Variants in ERCC6L2 observed in about 807,000 individuals in gnomAD.
ERCC6L2 encodes DNA excision repair protein ERCC-6-like 2.
A neutral mutation model predicts 132.0 loss-of-function variants in ERCC6L2; 77 were observed. That is an observed-to-expected ratio of 0.58 (90% CI 0.49 to 0.71). The LOEUF (loss-of-function observed/expected upper bound fraction) is 0.71, where lower values mean the gene tolerates loss of function less well. ERCC6L2 is among the 30% of genes least tolerant of loss of function. The probability of loss-of-function intolerance (pLI) is 0.00; values close to 1 mark genes in which losing one functional copy is unlikely to be tolerated. For synonymous variants in ERCC6L2, 583 were observed against 632.4 expected (o/e 0.92, Z 1.17); for missense variants, 1,542 against 1,837.6 (o/e 0.84, Z 2.94).
intron 19 of ERCC6L2, among the ~76,000 whole-genome samples, chr9:96,026,330 C>T (rs1165686926): frequency 6.6e-6 from 1 of 152,158 alleles, no homozygotes; most frequent in Non-Finnish European, 1.5e-5. Context: ...CAGAACCTGG[C>T]GGGAGCTCGC....
chr9:96,030,637 G>C (rs1834444868), intron 19 of ERCC6L2, among the ~76,000 whole-genome samples: 1 of 149,098 alleles, frequency 6.7e-6, no homozygotes, highest in Non-Finnish European at 1.5e-5. Flanking sequence ...GGGAGGCGGA[G>C]CTTGCAGTGA....
At chr9:96,032,604 G>T (rs1588069554) in intron 19 of ERCC6L2, among the ~76,000 whole-genome samples, 1 of 152,274 alleles carries the variant, frequency 6.6e-6, no homozygotes. Flanking sequence ...TCATCTATCA[G>T]GAATGTCACA....
At chr9:95,882,023 T>C (rs917996483) in intron 2 of ERCC6L2, among the ~76,000 whole-genome samples, 9 of 152,318 alleles carry the variant, frequency 5.9e-5, no homozygotes, top group African/African-American at 2.2e-4. Context: ...CTAGCCCACC[T>C]GTTTGTTGGC....
At chr9:95,948,901 G>A (rs1230714742) in intron 12 of ERCC6L2, among the ~76,000 whole-genome samples, 1 of 151,828 alleles carries the variant, frequency 6.6e-6, no homozygotes, top group East Asian at 1.9e-4. Flanking sequence ...AACAGGCATT[G>A]GAGCTACTAG....
Position 96,015,496 on chromosome 9 carries a change from C to A in ERCC6L2, c.*2293C>A, listed in dbSNP as rs887452131. On this transcript the variant is annotated 3_prime_UTR_variant, in exon 19 of 19. Transcript: ENST00000653738. Reference sequence around the variant, plus strand: ...AGCCACCATGCCCAGCCAATAAATGCTATTAAAGAAACTTTTAGGCCGGGC... The same window carrying A: ...AGCCACCATGCCCAGCCAATAAATGATATTAAAGAAACTTTTAGGCCGGGC... Among the ~76,000 whole-genome samples the A allele has an allele frequency of 1.3e-5, 2 of 150,272 alleles. No individual in the cohort carries two copies. The highest frequency in any genetic ancestry group is 4.1e-4 in the East Asian group (2 of 4,864).
rs1207073063 is a variant in ERCC6L2, at chr9:95,971,924, C to T, written c.2182-9C>T. 1 of 1,259,802 alleles carries T rather than the reference C, an allele frequency of 7.9e-7. No individual in the cohort carries two copies. Among genetic ancestry groups the T allele is most frequent in the East Asian group, 5.7e-5 (1 of 17,416 alleles). 78.0% of individuals were successfully genotyped at this position (1,259,802 alleles called of 1,614,324 possible). A position where few individuals can be genotyped will look rare whatever the true frequency, so the allele number is the denominator to read the frequency against. ...TTTTCTGATGTTTTTGTCATTGTTTCTCCTATAGCCTAGACAGCCTGACTG... is the reference window on the plus strand; with the variant it reads ...TTTTCTGATGTTTTTGTCATTGTTTTTCCTATAGCCTAGACAGCCTGACTG... On this transcript the variant is annotated splice_polypyrimidine_tract_variant and intron_variant, in intron 15 of 18. Transcript: ENST00000653738.
chr9:95,891,745 T>C (rs1467360073), intron 2 of ERCC6L2, among the ~76,000 whole-genome samples: 5 of 152,196 alleles, frequency 3.3e-5, no homozygotes, highest in Non-Finnish European at 5.9e-5. Context: ...CATCCTACTA[T>C]GTGTTAAGTG....
At chr9:95,951,943 G>A (rs1378197629) in intron 12 of ERCC6L2, among the ~76,000 whole-genome samples, 2 of 151,692 alleles carry the variant, frequency 1.3e-5, no homozygotes, top group African/African-American at 4.8e-5. Flanking sequence ...GTCAAGGCAG[G>A]CGGATCACGA....
At chr9:96,036,109 G>A (rs1834516226) in intron 19 of ERCC6L2, among the ~76,000 whole-genome samples, 1 of 152,140 alleles carries the variant, frequency 6.6e-6, no homozygotes, top group Non-Finnish European at 1.5e-5. Flanking sequence ...GCACATTCCA[G>A]TAATACCCAC....
At chr9:95,891,906 T>C (rs888502449) in intron 2 of ERCC6L2, among the ~76,000 whole-genome samples, 8 of 152,178 alleles carry the variant, frequency 5.3e-5, no homozygotes, top group Non-Finnish European at 1.2e-4. Context: ...GTCTTTATTG[T>C]TGAGTTGTAA....
chr9:95,931,456 T>C (rs1331389903), intron 11 of ERCC6L2, among the ~76,000 whole-genome samples: 1 of 152,218 alleles, frequency 6.6e-6, no homozygotes, highest in Non-Finnish European at 1.5e-5. Context: ...GTTTTTATTC[T>C]TGACTTGCCC....
chr9:95,956,152 A>T (rs1157985535), intron 13 of ERCC6L2, 139 bp downstream of exon 13: 2 of 467,080 alleles, frequency 4.3e-6, no homozygotes, highest in Non-Finnish European at 7.4e-6. Flanking sequence ...TTACCCTTGA[A>T]TACACTTTTA....
intron 13 of ERCC6L2, among the ~76,000 whole-genome samples, chr9:95,966,299 T>G (rs1832151570): frequency 6.6e-6 from 1 of 152,212 alleles, no homozygotes; most frequent in Admixed American, 6.6e-5. Flanking sequence ...CAGGTGGATA[T>G]TCTATAGAGA....
chr9:96,020,210 C>G (rs1193683552), downstream of ERCC6L2: 1 of 157,678 alleles, frequency 6.3e-6, no homozygotes, highest in Non-Finnish European at 1.4e-5. Flanking sequence ...CTCACTGTCA[C>G]GAGAGCAGCG....
chr9:95,905,341 G>T (rs962615281), intron 3 of ERCC6L2, among the ~76,000 whole-genome samples: 1 of 152,048 alleles, frequency 6.6e-6, no homozygotes, highest in Non-Finnish European at 1.5e-5. Flanking sequence ...TAATTTTGAA[G>T]ACCAATGTTT....
At chr9:95,899,555 CTCCT>C (rs1265351329) in intron 3 of ERCC6L2, among the ~76,000 whole-genome samples, 4 of 150,714 alleles carry the variant, frequency 2.7e-5, no homozygotes, top group African/African-American at 9.8e-5. Flanking sequence ...TCCAGTTCCT[CTCCT>C]TCCTTCTTTC....
chr9:95,902,930 C>A (rs1341428180), intron 3 of ERCC6L2, among the ~76,000 whole-genome samples: 1 of 151,978 alleles, frequency 6.6e-6, no homozygotes, highest in East Asian at 1.9e-4. Context: ...AATATTTCTT[C>A]CCCATGTAGA....
At chr9:95,915,975 G>C (rs1459255915) in intron 5 of ERCC6L2, 146 bp downstream of exon 5, 7 of 849,882 alleles carry the variant, frequency 8.2e-6, no homozygotes, top group East Asian at 2.7e-5. Context: ...ATACACAGTA[G>C]AGAGTCCCAT....
intron 17 of ERCC6L2, among the ~76,000 whole-genome samples, chr9:95,999,909 T>G (rs1833601352): frequency 7.3e-6 from 1 of 136,436 alleles, no homozygotes; most frequent in Non-Finnish European, 1.6e-5. Context: ...TTTTTTTTTT[T>G]GAGACAGTCT....
Sources: gnomAD v4.1 joint callset for allele counts (sites outside exome capture counted in the v4.1 genomes callset) on GRCh38, gnomAD v4.1.1 for gene constraint, MANE v1.5 for transcripts, NCBI Gene and HGNC (gene_info 2026-07-23, HGNC 2026-07-21) for gene names.